APBB2: variants seen among roughly 807,000 people sequenced by gnomAD.
The protein encoded by APBB2 is amyloid beta precursor protein binding family B member 2, also known as Fe65-like 1.
A neutral mutation model predicts 82.5 loss-of-function variants in APBB2; 38 were observed. The observed-to-expected ratio is 0.46, with a 90% CI of 0.36 to 0.60. The LOEUF (loss-of-function observed/expected upper bound fraction) is 0.60. APBB2 is among the 20% of genes least tolerant of loss of function. The probability of loss-of-function intolerance (pLI) is 0.00; values close to 1 mark genes in which losing one functional copy is unlikely to be tolerated. For missense variants in APBB2, 772 were observed against 972.3 expected (o/e 0.79, Z 2.74); for synonymous variants, 341 against 368.2 (o/e 0.93, Z 0.85).
chr4:41,024,523 G>A (rs1255428216), intron 5 of APBB2, among the ~76,000 whole-genome samples: 1 of 152,172 alleles, frequency 6.6e-6, no homozygotes, highest in East Asian at 1.9e-4. Flanking sequence ...TTCTATATTA[G>A]GGTGACTCAT....
At chr4:40,851,107 A>C (rs939255072) in intron 12 of APBB2, among the ~76,000 whole-genome samples, 1 of 152,198 alleles carries the variant, frequency 6.6e-6, no homozygotes, top group Non-Finnish European at 1.5e-5. Flanking sequence ...GCTGTCAAAA[A>C]AAACAATGAA....
chr4:41,100,463 G>GT (rs34128168), intron 3 of APBB2, among the ~76,000 whole-genome samples, 176 bp downstream of exon 3: 83 of 147,754 alleles, frequency 5.6e-4, no homozygotes, highest in Admixed American at 6.1e-4. Context: ...TCTCTTGCAA[G>GT]TTTTTTTTTT....
At chr4:40,822,344 C>A in intron 16 of APBB2, 1 of 299,654 alleles carries the variant, frequency 3.3e-6, no homozygotes, top group Admixed American at 4.6e-5. Flanking sequence ...GGGACAGTGC[C>A]GTCCATACTT....
At chr4:41,022,981 T>C (rs1316715558) in intron 5 of APBB2, among the ~76,000 whole-genome samples, 1 of 152,200 alleles carries the variant, frequency 6.6e-6, no homozygotes, top group Non-Finnish European at 1.5e-5. Context: ...ATGTAGCATC[T>C]GAGCAAGAGT....
At chr4:40,934,578 T>G (rs749276030) in intron 9 of APBB2, 36 bp downstream of exon 9, 2 of 1,611,040 alleles carry the variant, frequency 1.2e-6, no homozygotes, top group South Asian at 2.2e-5. Flanking sequence ...CACAAAGCCA[T>G]ACATTGACAG....
At chr4:40,928,248 C>T (rs1362814026) in intron 10 of APBB2, among the ~76,000 whole-genome samples, 1 of 152,172 alleles carries the variant, frequency 6.6e-6, no homozygotes, top group Non-Finnish European at 1.5e-5. Context: ...GCAGATAGTT[C>T]TGAAGTTAAG....
intron 10 of APBB2, among the ~76,000 whole-genome samples, chr4:40,916,452 C>A (rs539153268): frequency 6.6e-6 from 1 of 152,336 alleles, no homozygotes; most frequent in South Asian, 2.1e-4. Context: ...ACTTCCCACC[C>A]GTTCTGCACA....
chr4:41,063,465 C>A (rs894764683), intron 4 of APBB2, among the ~76,000 whole-genome samples: 1 of 152,156 alleles, frequency 6.6e-6, no homozygotes, highest in South Asian at 2.1e-4. Context: ...CAGAGTAAAT[C>A]TGTAACACCC....
chr4:41,000,030 C>CGT (rs749700892), intron 6 of APBB2, among the ~76,000 whole-genome samples: 47 of 138,632 alleles, frequency 3.4e-4, no homozygotes, highest in African/African-American at 8.9e-4. Flanking sequence ...AAAAAACAAA[C>CGT]GTGTGTGTGT....
chr4:41,012,920 C>T (rs570447350), intron 6 of APBB2, among the ~76,000 whole-genome samples: 5 of 152,224 alleles, frequency 3.3e-5, no homozygotes, highest in South Asian at 2.1e-4. Context: ...TTAACACCTC[C>T]GACAAATCCA....
At chr4:40,939,574 G>A (rs55983774) in intron 7 of APBB2, among the ~76,000 whole-genome samples, 1 of 152,280 alleles carries the variant, frequency 6.6e-6, no homozygotes, top group South Asian at 2.1e-4. Context: ...CAATGTCAGT[G>A]AGTGTTTTAT....
intron 3 of APBB2, among the ~76,000 whole-genome samples, chr4:41,094,998 C>T (rs1743044488): frequency 6.6e-6 from 1 of 152,168 alleles, no homozygotes; most frequent in Admixed American, 6.6e-5. Flanking sequence ...TAAAATGTTA[C>T]ATAAATATGA....
intron 12 of APBB2, among the ~76,000 whole-genome samples, chr4:40,882,253 T>G (rs1226658985): frequency 2.6e-5 from 4 of 152,094 alleles, no homozygotes; most frequent in Non-Finnish European, 5.9e-5. Context: ...CCTGCAGGGT[T>G]GAGGGAACAG....
intron 7 of APBB2, among the ~76,000 whole-genome samples, chr4:40,940,389 C>T (rs1221181860): frequency 6.6e-6 from 1 of 152,126 alleles, no homozygotes; most frequent in Non-Finnish European, 1.5e-5. Flanking sequence ...TCTGTGATCC[C>T]CAGAGGTTCT....
chr4:41,015,970 A>G (rs1293769387), intron 5 of APBB2, among the ~76,000 whole-genome samples: 2 of 152,196 alleles, frequency 1.3e-5, no homozygotes, highest in Non-Finnish European at 2.9e-5. Flanking sequence ...CAACTATTAT[A>G]CCATTTTATG....
chr4:40,890,246 C>T, intron 12 of APBB2, 118 bp downstream of exon 12: 1 of 1,351,280 alleles, frequency 7.4e-7, no homozygotes. Flanking sequence ...TTTCACATTT[C>T]TATATAGAAG....
intron 1 of APBB2, among the ~76,000 whole-genome samples, chr4:41,163,990 A>G (rs1259578533): frequency 1.3e-5 from 2 of 152,228 alleles, no homozygotes; most frequent in Admixed American, 6.5e-5. Context: ...AGAAAAGTCT[A>G]TAAGATCTAT....
At chr4:41,121,138 C>A (rs752222691) in intron 2 of APBB2, among the ~76,000 whole-genome samples, 8 of 152,182 alleles carry the variant, frequency 5.3e-5, no homozygotes, top group Non-Finnish European at 1.2e-4. Flanking sequence ...TGTTTGTAAC[C>A]AGAATAGCCA....
chr4:40,858,909 A>G (rs1049538678), intron 12 of APBB2, among the ~76,000 whole-genome samples: 22 of 152,220 alleles, frequency 1.4e-4, no homozygotes, highest in African/African-American at 5.3e-4. Flanking sequence ...CACAAACTGC[A>G]AGTGAGGCTA....
Sources: gnomAD v4.1 joint callset for allele counts (sites outside exome capture counted in the v4.1 genomes callset) on GRCh38, gnomAD v4.1.1 for gene constraint, MANE v1.5 for transcripts, NCBI Gene and HGNC (gene_info 2026-07-23, HGNC 2026-07-21) for gene names.